SPATA6: variants seen among roughly 807,000 people sequenced by gnomAD.
SPATA6 encodes spermatogenesis associated 6.
In SPATA6, 56 loss-of-function variants were observed where a neutral mutation model predicts 65.3. The observed-to-expected ratio is 0.86, with a 90% CI of 0.69 to 1.07. SPATA6 has a LOEUF of 1.07. SPATA6 is among the 50% of genes least tolerant of loss of function. The pLI, the probability that SPATA6 is intolerant of heterozygous loss-of-function variation, is 0.00. For synonymous variants in SPATA6, 199 were observed against 213.2 expected (o/e 0.93, Z 0.58); for missense variants, 590 against 594.8 (o/e 0.99, Z 0.08).
chr1:48,416,705 G>C (rs1054995495), intron 3 of SPATA6, among the ~76,000 whole-genome samples: 3 of 151,986 alleles, frequency 2.0e-5, no homozygotes, highest in African/African-American at 4.8e-5. Flanking sequence ...AACCTGACAA[G>C]GACCTTATAA....
rs573894908 is a variant in SPATA6 at position 48,310,764 on chromosome 1, C to G, written c.1195-4886G>C. Among the ~76,000 whole-genome samples, 87 of 152,212 alleles carry G rather than the reference C, an allele frequency of 5.7e-4. 1 individual carries two copies. Among genetic ancestry groups the G allele is most frequent in the Non-Finnish European group, 9.4e-4 (64 of 68,012 alleles). On this transcript the variant is annotated intron_variant, in intron 11 of 12. Transcript: ENST00000371847. ...AACAACATCTATAGAACATTCCACC[C>G]AACGATAGCAAAATACATATTCTTT...
At chr1:48,283,358 A>T in the SPATA6 span, among the ~76,000 whole-genome samples, 2 of 151,510 alleles carry the variant, frequency 1.3e-5, no homozygotes, top group Admixed American at 1.3e-4. Context: ...AAATAAAAAA[A>T]ATTTTTAAAA....
chr1:48,380,028 C>T (rs1648376037), intron 9 of SPATA6, among the ~76,000 whole-genome samples: 2 of 152,104 alleles, frequency 1.3e-5, no homozygotes, highest in Admixed American at 1.3e-4. Flanking sequence ...TCATGTTGTA[C>T]CATAAGTACA....
In SPATA6 at chr1:48,421,978, A is replaced by T. The variant is rs748913158; in HGVS notation, c.239-8827T>A. On this transcript the variant is annotated intron_variant, in intron 3 of 12. Coordinates refer to ENST00000371847, the MANE Select transcript of SPATA6 (RefSeq NM_019073.4). ...AGTTCATCTAGAAAAATAAATATGC[A>T]GGAATATGAATGTGTGTATCAAATG... 1.1e-4 allele frequency among the ~76,000 whole-genome samples: 17 copies of T among 152,184 alleles called. 1 individual carries two copies. Among genetic ancestry groups the T allele is most frequent in the Admixed American group, 9.2e-4 (14 of 15,270 alleles).
At chr1:48,366,617 T>C (rs1258195403) in intron 9 of SPATA6, among the ~76,000 whole-genome samples, 1 of 152,222 alleles carries the variant, frequency 6.6e-6, no homozygotes, top group Non-Finnish European at 1.5e-5. Flanking sequence ...TGGTAGTTTG[T>C]ATTTCTGTGT....
the SPATA6 span, among the ~76,000 whole-genome samples, chr1:48,286,057 T>C: frequency 6.6e-6 from 1 of 152,230 alleles, no homozygotes; most frequent in Non-Finnish European, 1.5e-5. Flanking sequence ...AGGATTACAC[T>C]GTTTTGTTTA....
intron 3 of SPATA6, among the ~76,000 whole-genome samples, chr1:48,433,038 A>G (rs986487673): frequency 1.3e-5 from 2 of 152,188 alleles, no homozygotes; most frequent in East Asian, 1.9e-4. Flanking sequence ...TAAAAAACAC[A>G]TAAATACAGC....
chr1:48,411,127 G>C (rs1173675056), intron 5 of SPATA6, among the ~76,000 whole-genome samples: 1 of 152,044 alleles, frequency 6.6e-6, no homozygotes. Context: ...GATGGGATGG[G>C]GAGAGAAGGG....
At chr1:48,410,141 C>A (rs1652079444) in intron 5 of SPATA6, among the ~76,000 whole-genome samples, 1 of 152,194 alleles carries the variant, frequency 6.6e-6, no homozygotes, top group African/African-American at 2.4e-5. Flanking sequence ...CAAGTCACCT[C>A]TTGAATGCTT....
At chr1:48,370,728 G>A (rs977560068) in intron 9 of SPATA6, among the ~76,000 whole-genome samples, 4 of 152,096 alleles carry the variant, frequency 2.6e-5, no homozygotes, top group African/African-American at 7.2e-5. Flanking sequence ...TACTTTATTG[G>A]TAAGAAAATA....
intron 1 of SPATA6, 30 bp downstream of exon 1, chr1:48,471,928 C>G: frequency 6.2e-7 from 1 of 1,609,122 alleles, no homozygotes; most frequent in Admixed American, 1.7e-5. Context: ...GAGCCAATGC[C>G]CGGGGGTGGG....
At chr1:48,360,486 A>C (rs1410191926) in intron 9 of SPATA6, among the ~76,000 whole-genome samples, 1 of 152,118 alleles carries the variant, frequency 6.6e-6, no homozygotes, top group Non-Finnish European at 1.5e-5. Flanking sequence ...CTAAGTCACG[A>C]AGATTATCTG....
At chr1:48,381,868 G>C (rs1340051145) in intron 9 of SPATA6, among the ~76,000 whole-genome samples, 3 of 139,850 alleles carry the variant, frequency 2.1e-5, no homozygotes, top group Admixed American at 1.4e-4. Flanking sequence ...CGCAGTGTTT[G>C]TGTCCCTGGG....
At chr1:48,349,869 T>C (rs1254761815) in intron 11 of SPATA6, among the ~76,000 whole-genome samples, 1 of 151,998 alleles carries the variant, frequency 6.6e-6, no homozygotes, top group Non-Finnish European at 1.5e-5. Flanking sequence ...CATTCACCAA[T>C]GAAGGGCATC....
At chr1:48,445,436 G>A (rs913500437) in intron 3 of SPATA6, among the ~76,000 whole-genome samples, 1 of 152,040 alleles carries the variant, frequency 6.6e-6, no homozygotes, top group African/African-American at 2.4e-5. Flanking sequence ...GGCCAAGGCG[G>A]GTGAATCACG....
intron 11 of SPATA6, among the ~76,000 whole-genome samples, chr1:48,316,544 A>C (rs1645427042): frequency 6.6e-6 from 1 of 152,232 alleles, no homozygotes; most frequent in South Asian, 2.1e-4. Flanking sequence ...AGATGGATTA[A>C]AGACTTACTT....
At chr1:48,437,613 CT>C (rs1176697037) in intron 3 of SPATA6, among the ~76,000 whole-genome samples, 1 of 152,150 alleles carries the variant, frequency 6.6e-6, no homozygotes, top group Non-Finnish European at 1.5e-5. Flanking sequence ...ATTCTCTGGC[CT>C]TTTTAATGAG....
chr1:48,417,402 T>G (rs545437008), intron 3 of SPATA6, among the ~76,000 whole-genome samples: 9 of 152,296 alleles, frequency 5.9e-5, no homozygotes, highest in African/African-American at 1.7e-4. Flanking sequence ...TACATTATCA[T>G]GTATAATTAA....
At chr1:48,349,710 T>C (rs927036867) in intron 11 of SPATA6, among the ~76,000 whole-genome samples, 1 of 151,952 alleles carries the variant, frequency 6.6e-6, no homozygotes, top group African/African-American at 2.4e-5. Flanking sequence ...TAATGTCATA[T>C]AAATAAAATC....
Sources: allele counts gnomAD v4.1 joint callset (sites outside exome capture counted in the v4.1 genomes callset), GRCh38; gene constraint gnomAD v4.1.1; transcripts MANE v1.5; gene names NCBI Gene and HGNC (gene_info 2026-07-23, HGNC 2026-07-21).